Variants in PRKCE observed in about 807,000 individuals in gnomAD.
PRKCE encodes the protein protein kinase C epsilon type.
A neutral mutation model predicts 85.4 loss-of-function variants in PRKCE; 16 were observed. The ratio of observed to expected loss-of-function variants is 0.19; its 90% CI spans 0.13 to 0.28. PRKCE has a LOEUF of 0.28. Among genes scored for constraint, PRKCE ranks in the 10% least tolerant of loss-of-function variants. The pLI is 1.00. For missense variants in PRKCE, 573 were observed against 975.2 expected (o/e 0.59, Z 5.49); for synonymous variants, 388 against 371.5 (o/e 1.04, Z -0.51).
At chr2:45,799,103 T>G (rs1687660487) in intron 1 of PRKCE, among the ~76,000 whole-genome samples, 1 of 151,838 alleles carries the variant, frequency 6.6e-6, no homozygotes, top group Non-Finnish European at 1.5e-5. Flanking sequence ...GAGGCGGAGC[T>G]TGCAGTAACC....
At chr2:45,656,180 A>G (rs1223644912) in intron 1 of PRKCE, among the ~76,000 whole-genome samples, 2 of 152,206 alleles carry the variant, frequency 1.3e-5, no homozygotes, top group African/African-American at 4.8e-5. Flanking sequence ...TTTTCCACGT[A>G]GTCTTTTCTT....
intron 1 of PRKCE, among the ~76,000 whole-genome samples, chr2:45,728,141 C>T (rs942953935): frequency 6.6e-6 from 1 of 152,152 alleles, no homozygotes; most frequent in African/African-American, 2.4e-5. Context: ...GACTCCACAT[C>T]CTTTCAGAAA....
intron 10 of PRKCE, among the ~76,000 whole-genome samples, chr2:46,029,630 G>A (rs1005900682): frequency 5.9e-5 from 9 of 151,660 alleles, no homozygotes; most frequent in Non-Finnish European, 1.3e-4. Context: ...AAGCAAGCCT[G>A]TTCATGCATC....
chr2:46,135,298 C>CG (rs1259446713), intron 11 of PRKCE, among the ~76,000 whole-genome samples: 1 of 152,188 alleles, frequency 6.6e-6, no homozygotes, highest in Non-Finnish European at 1.5e-5. Context: ...CATGAAAGGG[C>CG]GGGCGTGTGG....
intron 14 of PRKCE, among the ~76,000 whole-genome samples, chr2:46,164,583 C>G (rs1165166864): frequency 3.9e-5 from 6 of 152,188 alleles, no homozygotes; most frequent in Non-Finnish European, 8.8e-5. Context: ...ATCTGGGTGA[C>G]CCGGGGCGGG....
At chr2:45,993,790 T>A (rs1704001920) in intron 6 of PRKCE, among the ~76,000 whole-genome samples, 1 of 152,132 alleles carries the variant, frequency 6.6e-6, no homozygotes, top group South Asian at 2.1e-4. Flanking sequence ...GGGACAGAAT[T>A]CTGGGCACAG....
At chr2:45,721,533 T>C (rs920155473) in intron 1 of PRKCE, among the ~76,000 whole-genome samples, 36 of 151,804 alleles carry the variant, frequency 2.4e-4, no homozygotes, top group African/African-American at 8.0e-4. Flanking sequence ...ATAGATAGGG[T>C]CTGAGGGACA....
At chr2:45,967,233 G>T (rs1413795526) in intron 2 of PRKCE, among the ~76,000 whole-genome samples, 1 of 152,158 alleles carries the variant, frequency 6.6e-6, no homozygotes. Flanking sequence ...AAACCCCACT[G>T]CCATGGTCAT....
At chr2:45,722,789 A>G (rs1428359001) in intron 1 of PRKCE, among the ~76,000 whole-genome samples, 1 of 152,186 alleles carries the variant, frequency 6.6e-6, no homozygotes, top group Admixed American at 6.5e-5. Context: ...CTAGGAATGC[A>G]TTGTAGTCAG....
chr2:45,679,780 A>G (rs1413008384), intron 1 of PRKCE, among the ~76,000 whole-genome samples: 1 of 151,974 alleles, frequency 6.6e-6, no homozygotes, highest in Non-Finnish European at 1.5e-5. Flanking sequence ...TGACCTCTGT[A>G]GGCACTTTGC....
chr2:46,099,516 C>T (rs998032107), intron 11 of PRKCE, among the ~76,000 whole-genome samples: 30 of 146,272 alleles, frequency 2.1e-4, no homozygotes, highest in South Asian at 4.2e-4. Flanking sequence ...TTTTTTTTTA[C>T]GCTAACTTTT....
intron 1 of PRKCE, among the ~76,000 whole-genome samples, chr2:45,788,848 C>G (rs1243590771): frequency 6.6e-6 from 1 of 152,154 alleles, no homozygotes; most frequent in Admixed American, 6.5e-5. Context: ...TCTTTAGCTT[C>G]ATATGTTTAA....
intron 2 of PRKCE, among the ~76,000 whole-genome samples, chr2:45,866,554 G>A (rs538151682): frequency 1.4e-3 from 215 of 151,858 alleles, no homozygotes; most frequent in African/African-American, 4.7e-3. Context: ...TGATCCACCC[G>A]CCTTGGCCTA....
At chr2:45,674,040 CT>C (rs1263385188) in intron 1 of PRKCE, among the ~76,000 whole-genome samples, 1 of 152,234 alleles carries the variant, frequency 6.6e-6, no homozygotes, top group Non-Finnish European at 1.5e-5. Flanking sequence ...CATCAACTCT[CT>C]TTTGAAGGTG....
At chr2:46,178,775 C>T (rs570632894) in intron 14 of PRKCE, among the ~76,000 whole-genome samples, 17 of 152,122 alleles carry the variant, frequency 1.1e-4, no homozygotes, top group East Asian at 3.9e-4. Context: ...GGCCAATGAA[C>T]GTTAAGTATC....
Position 46,159,512 on chromosome 2 carries a change from G to A in PRKCE, c.1921-94G>A. 2.2e-6 allele frequency: 3 copies of A among 1,353,674 alleles called. No individual in the cohort carries two copies. Among genetic ancestry groups the A allele is most frequent in the Admixed American group, 2.6e-5 (1 of 38,014 alleles). The allele number at this position is 1,353,674 out of a possible 1,614,324, so 83.9% of individuals were successfully genotyped here. On this transcript the variant is annotated intron_variant, in intron 13 of 14. Transcript: ENST00000306156. This position sits in a 1 kb window ranked among gnomAD's most constrained non-coding sequence, Gnocchi z 4.1. ...AAGAACAGACTTGGGAGGCGATGCT[G>A]AAGATGCTGCTTTGGCTGACCTCCA...
intron 1 of PRKCE, among the ~76,000 whole-genome samples, chr2:45,776,838 T>C (rs965452938): frequency 2.0e-5 from 3 of 152,236 alleles, no homozygotes; most frequent in African/African-American, 7.2e-5. Context: ...ACTAGAACTC[T>C]CCAAGCAAAC....
rs545961050 is a variant in PRKCE at position 45,701,637 on chromosome 2, C to T, written c.348+49189C>T. The stretch of plus-strand genomic sequence containing the variant: ...AAGGCCTGAAGTACAGAGGAGGGCA[C>T]CCCACATGAGATAATGCAGTGAAGA... On this transcript the variant is annotated intron_variant, in intron 1 of 14. Transcript: ENST00000306156. 9 of 152,288 alleles carry T rather than the reference C, an allele frequency of 5.9e-5. No homozygotes were observed. The East Asian group carries it at 1.7e-3, about 29-fold the overall frequency. 9.4% of individuals were successfully genotyped at this position (152,288 alleles called of 1,614,324 possible). A position where few individuals can be genotyped will look rare whatever the true frequency, so the allele number is the denominator to read the frequency against.
intron 11 of PRKCE, among the ~76,000 whole-genome samples, chr2:46,100,883 T>TC: frequency 6.6e-6 from 1 of 150,448 alleles, no homozygotes; most frequent in African/African-American, 2.4e-5. Flanking sequence ...TCTCTTCTCT[T>TC]TTCTTGATGG....
Sources: allele counts gnomAD v4.1 joint callset (sites outside exome capture counted in the v4.1 genomes callset), GRCh38; gene constraint gnomAD v4.1.1; non-coding constraint Gnocchi (gnomAD v3.1); transcripts MANE v1.5; gene names NCBI Gene and HGNC (gene_info 2026-07-23, HGNC 2026-07-21).